Variants in EBF2 observed in about 807,000 individuals in gnomAD.
EBF2 encodes EBF transcription factor 2.
Under a neutral mutation model 72.8 loss-of-function variants are expected in EBF2, and 21 were observed. That is an observed-to-expected ratio of 0.29 (90% CI 0.20 to 0.42). The LOEUF is 0.42. EBF2 is among the 10% of genes least tolerant of loss of function. The pLI, the probability that EBF2 is intolerant of heterozygous loss-of-function variation, is 1.00. For missense variants in EBF2, 637 were observed against 731.2 expected, an observed-to-expected ratio of 0.87 and a Z score of 1.49; for synonymous variants, 299 against 274.2, an observed-to-expected ratio of 1.09 and a Z score of -0.89.
At chr8:26,043,838 G>T (rs558327697) in intron 1 of EBF2, among the ~76,000 whole-genome samples, 1 of 152,132 alleles carries the variant, frequency 6.6e-6, no homozygotes. Context: ...GGACCTGGAG[G>T]CCACAAATCC....
At chr8:25,980,997 C>A (rs1167896469) in intron 6 of EBF2, among the ~76,000 whole-genome samples, 2 of 152,034 alleles carry the variant, frequency 1.3e-5, no homozygotes, top group Non-Finnish European at 2.9e-5. Flanking sequence ...ACTTCAACTA[C>A]CACACAGTTT....
intron 14 of EBF2, 119 bp from the exon 15 acceptor site, chr8:25,850,880 TA>T (rs913523397): frequency 0.061 from 52,590 of 868,170 alleles, no homozygotes; most frequent in South Asian, 0.089. Context: ...TTGCAGGGAT[TA>T]AAAAAAAAAA....
intron 6 of EBF2, among the ~76,000 whole-genome samples, chr8:26,009,867 A>T (rs901177): frequency 0.22 from 33,604 of 152,172 alleles, 4,232 homozygotes; most frequent in Non-Finnish European, 0.28. Flanking sequence ...TCCTAAGCCA[A>T]GAAGAAAAAC....
chr8:26,018,826 C>A (rs1452159193), intron 6 of EBF2, among the ~76,000 whole-genome samples: 1 of 151,696 alleles, frequency 6.6e-6, no homozygotes. Context: ...TTTTCACTGA[C>A]CCCCAACCAA....
At chr8:25,870,928 A>G (rs140178560) in intron 10 of EBF2, among the ~76,000 whole-genome samples, 60 of 152,254 alleles carry the variant, frequency 3.9e-4, no homozygotes, top group Non-Finnish European at 6.8e-4. Context: ...GACAGGGAAA[A>G]TCACACTCAC....
chr8:26,030,472 G>A lies in EBF2; in HGVS notation c.551+2613C>T, dbSNP rs113695696. Among the ~76,000 whole-genome samples the A allele has an allele frequency of 1.3e-3, 205 of 152,052 alleles. 4 individuals carry two copies. The highest frequency in any genetic ancestry group is 4.7e-3 in the African/African-American group (195 of 41,446). On this transcript the variant is annotated intron_variant, in intron 6 of 15. Coordinates refer to ENST00000520164, the MANE Select transcript of EBF2 (RefSeq NM_022659.4). ...GAGAGCATTAGGAGATATACCTAATGTTAAATGATGAATTAATGGGTGCAG... is the reference window on the plus strand; with the variant it reads ...GAGAGCATTAGGAGATATACCTAATATTAAATGATGAATTAATGGGTGCAG...
intron 6 of EBF2, among the ~76,000 whole-genome samples, chr8:25,909,227 T>G (rs1803087516): frequency 6.6e-6 from 1 of 152,132 alleles, no homozygotes; most frequent in Non-Finnish European, 1.5e-5. Flanking sequence ...AAGCCAATAT[T>G]CTCTCTTAAA....
intron 6 of EBF2, among the ~76,000 whole-genome samples, chr8:25,929,592 T>C (rs1803447965): frequency 6.6e-6 from 1 of 152,144 alleles, no homozygotes; most frequent in African/African-American, 2.4e-5. Flanking sequence ...TTAATAAACA[T>C]GTGTGCTTAA....
chr8:25,919,069 C>T (rs577181598), intron 6 of EBF2, among the ~76,000 whole-genome samples: 17 of 152,226 alleles, frequency 1.1e-4, no homozygotes, highest in South Asian at 2.1e-4. Context: ...TGTATCCATT[C>T]GGTAATTATT....
At chr8:25,903,125 G>A (rs1242656026) in intron 7 of EBF2, among the ~76,000 whole-genome samples, 1 of 151,884 alleles carries the variant, frequency 6.6e-6, no homozygotes, top group African/African-American at 2.4e-5. Context: ...TTCTGACACA[G>A]GCATACAATG....
intron 6 of EBF2, among the ~76,000 whole-genome samples, chr8:25,983,535 C>G (rs1804397225): frequency 6.6e-6 from 1 of 152,242 alleles, no homozygotes; most frequent in Admixed American, 6.5e-5. Flanking sequence ...CTCCTGCCCT[C>G]ATCCCCAGCT....
chr8:26,018,321 G>A lies in EBF2; in HGVS notation c.551+14764C>T, dbSNP rs977252913. On this transcript the variant is annotated intron_variant, in intron 6 of 15. Transcript: ENST00000520164. ...ATGAGAGGAAAGGAAGAAGAGAAAAGGCTGCAAGTAGAAGGGAGCAGAGAG... is the reference window on the plus strand; with the variant it reads ...ATGAGAGGAAAGGAAGAAGAGAAAAAGCTGCAAGTAGAAGGGAGCAGAGAG... Among the ~76,000 whole-genome samples, 13 of 151,212 alleles carry A rather than the reference G, an allele frequency of 8.6e-5. No homozygotes were observed. In the Middle Eastern group the frequency reaches 0.017, roughly 199 times the overall value.
At chr8:25,896,109 G>A (rs6557866) in intron 7 of EBF2, among the ~76,000 whole-genome samples, 99,526 of 152,108 alleles carry the variant, frequency 0.65, 33,410 homozygotes, top group East Asian at 0.86. Context: ...CAAAGAGGCT[G>A]AAAGAAAAAG....
chr8:25,853,859 AAC>A (rs1802032047), intron 14 of EBF2, among the ~76,000 whole-genome samples: 1 of 152,160 alleles, frequency 6.6e-6, no homozygotes, highest in African/African-American at 2.4e-5. Flanking sequence ...CAGATTACAT[AAC>A]ACATACTAAG....
chr8:25,857,925 T>C (rs1210538070), intron 14 of EBF2: 3 of 353,484 alleles, frequency 8.5e-6, no homozygotes, highest in East Asian at 1.5e-4. Context: ...CCAAACTTCC[T>C]TGTCTATAAC....
rs908722682 is a variant in EBF2, at chr8:25,844,320, G to A, written c.*289C>T. On this transcript the variant is annotated 3_prime_UTR_variant, in exon 16 of 16. Transcript: ENST00000520164. ...TTTTCTTAAATATTTTACAAACATA[G>A]GAAGGTGGTTTTCATAATGTTCATA... 29 of 281,174 alleles carry A rather than the reference G, an allele frequency of 1.0e-4. 1 individual carries two copies. The highest frequency in any genetic ancestry group is 1.6e-4 in the Non-Finnish European group (24 of 150,544). The allele number at this position is 281,174 out of a possible 1,614,324, so 17.4% of individuals were successfully genotyped here. A position where few individuals can be genotyped will look rare whatever the true frequency, so the allele number is the denominator to read the frequency against.
At chr8:25,894,980 G>A (rs566645347) in intron 7 of EBF2, among the ~76,000 whole-genome samples, 6 of 152,264 alleles carry the variant, frequency 3.9e-5, no homozygotes, top group South Asian at 4.2e-4. Context: ...ACCTGATAAC[G>A]TGTCTTTTCT....
intron 6 of EBF2, chr8:26,032,423 G>A (rs1013314914): frequency 5.3e-5 from 8 of 150,220 alleles, no homozygotes; most frequent in African/African-American, 2.0e-4. Context: ...TTAGGGATGG[G>A]AATATGGGGT....
chr8:25,944,172 A>C (rs1428872852), intron 6 of EBF2, among the ~76,000 whole-genome samples: 4 of 152,246 alleles, frequency 2.6e-5, no homozygotes, highest in African/African-American at 9.6e-5. Flanking sequence ...GCAGGGTTCC[A>C]GCTCTGGAAG....
Sources: gnomAD v4.1 joint callset for allele counts (sites outside exome capture counted in the v4.1 genomes callset) on GRCh38, gnomAD v4.1.1 for gene constraint, MANE v1.5 for transcripts, NCBI Gene and HGNC (gene_info 2026-07-23, HGNC 2026-07-21) for gene names.